Variants in SCHIP1 observed in about 807,000 individuals in gnomAD.
SCHIP1 encodes the protein schwannomin interacting protein 1, also known as schwannomin-interacting protein 1.
A neutral mutation model predicts 29.7 loss-of-function variants in SCHIP1; 8 were observed. The ratio of observed to expected loss-of-function variants is 0.27; its 90% CI spans 0.16 to 0.49. SCHIP1 has a LOEUF of 0.49. Among genes scored for constraint, SCHIP1 ranks in the 20% least tolerant of loss-of-function variants. The pLI, the probability that SCHIP1 is intolerant of heterozygous loss-of-function variation, is 0.99. For synonymous variants in SCHIP1, 76 were observed against 94.9 expected, an observed-to-expected ratio of 0.80 and a Z score of 1.16; for missense variants, 193 against 294.6, an observed-to-expected ratio of 0.66 and a Z score of 2.52.
the SCHIP1 span, among the ~76,000 whole-genome samples, chr3:159,526,387 C>T: frequency 6.6e-6 from 1 of 152,096 alleles, no homozygotes; most frequent in African/African-American, 2.4e-5. Flanking sequence ...CCAGGCTGGT[C>T]TCGAACTCTG....
chr3:159,682,047 G>T, the SCHIP1 span, among the ~76,000 whole-genome samples: 6 of 152,192 alleles, frequency 3.9e-5, no homozygotes, highest in African/African-American at 1.4e-4. Flanking sequence ...ATACTAACAG[G>T]TGCTATGTGC....
intron 2 of SCHIP1, among the ~76,000 whole-genome samples, chr3:159,878,585 C>T (rs1262785998): frequency 4.6e-5 from 7 of 151,244 alleles, no homozygotes; most frequent in African/African-American, 1.2e-4. Flanking sequence ...GAGACCATCC[C>T]GGCTAAAACG....
chr3:159,643,682 T>A, the SCHIP1 span, among the ~76,000 whole-genome samples: 2 of 152,136 alleles, frequency 1.3e-5, no homozygotes, highest in African/African-American at 4.8e-5. Context: ...TGTAACTTTT[T>A]AATCTCTTCT....
chr3:159,621,723 T>C, the SCHIP1 span, among the ~76,000 whole-genome samples: 1,510 of 152,106 alleles, frequency 9.9e-3, 11 homozygotes, highest in Non-Finnish European at 0.015. Context: ...TGGAGTACAA[T>C]GGTATGATCT....
At chr3:159,364,440 A>G in the SCHIP1 span, among the ~76,000 whole-genome samples, 3 of 152,202 alleles carry the variant, frequency 2.0e-5, no homozygotes, top group African/African-American at 7.2e-5. Flanking sequence ...ACCCACAGAG[A>G]AAGAAATCTT....
At chr3:159,891,370 C>CA (rs1420864256) in intron 5 of SCHIP1, among the ~76,000 whole-genome samples, 3 of 139,694 alleles carry the variant, frequency 2.1e-5, no homozygotes, top group Non-Finnish European at 4.6e-5. Flanking sequence ...GATTCCGTTT[C>CA]AAAAAAAGAA....
chr3:159,825,801 T>C, the SCHIP1 span, among the ~76,000 whole-genome samples: 4 of 152,212 alleles, frequency 2.6e-5, no homozygotes, highest in Admixed American at 2.0e-4. Flanking sequence ...TAAGTGAATT[T>C]AAAGCAGGAC....
chr3:159,665,615 TC>T, the SCHIP1 span, among the ~76,000 whole-genome samples: 1 of 150,740 alleles, frequency 6.6e-6, no homozygotes, highest in African/African-American at 2.4e-5. Context: ...ATCCCCTCCA[TC>T]CCCTGACCAG....
the SCHIP1 span, among the ~76,000 whole-genome samples, chr3:159,648,120 T>G: frequency 1.3e-5 from 2 of 152,088 alleles, no homozygotes; most frequent in Non-Finnish European, 2.9e-5. Context: ...AAATAGAAAG[T>G]GGAAGACTGA....
At chr3:159,764,341 C>G in the SCHIP1 span, 1 of 1,386,410 alleles carries the variant, frequency 7.2e-7, no homozygotes, top group South Asian at 1.6e-5. This position sits in a 1 kb window ranked among gnomAD's most constrained non-coding sequence, Gnocchi z 6.1. Flanking sequence ...TCTGACCCAG[C>G]GGGCGCAGGG....
the SCHIP1 span, among the ~76,000 whole-genome samples, chr3:159,683,066 A>C: frequency 1.2e-4 from 18 of 152,136 alleles, no homozygotes; most frequent in African/African-American, 4.1e-4. Context: ...AGGAATCTGC[A>C]TTTTGTTTTA....
At chr3:159,579,265 T>A in the SCHIP1 span, among the ~76,000 whole-genome samples, 1 of 152,122 alleles carries the variant, frequency 6.6e-6, no homozygotes, top group African/African-American at 2.4e-5. Flanking sequence ...ATGTAAGACA[T>A]TTTTATGGCC....
the SCHIP1 span, among the ~76,000 whole-genome samples, chr3:159,824,745 G>A: frequency 6.6e-6 from 1 of 152,228 alleles, no homozygotes; most frequent in African/African-American, 2.4e-5. Flanking sequence ...GGATTGGAGA[G>A]AGACTCACAC....
At chr3:159,664,929 G>A in the SCHIP1 span, among the ~76,000 whole-genome samples, 1 of 151,454 alleles carries the variant, frequency 6.6e-6, no homozygotes, top group East Asian at 1.9e-4. Flanking sequence ...AAAAACTCTG[G>A]AGGAAGGCCC....
At chr3:159,531,551 C>T in the SCHIP1 span, among the ~76,000 whole-genome samples, 1 of 152,190 alleles carries the variant, frequency 6.6e-6, no homozygotes, top group Non-Finnish European at 1.5e-5. Flanking sequence ...ATACAAGATA[C>T]CGTACCTACA....
At chr3:159,695,354 T>C in the SCHIP1 span, among the ~76,000 whole-genome samples, 39 of 152,218 alleles carry the variant, frequency 2.6e-4, no homozygotes, top group Non-Finnish European at 1.5e-5. Context: ...TACCCTATGA[T>C]TGACCCTTCC....
chr3:159,750,882 CTCT>C, the SCHIP1 span, among the ~76,000 whole-genome samples: 1 of 131,552 alleles, frequency 7.6e-6, no homozygotes, highest in Non-Finnish European at 1.6e-5. Context: ...TATTAAAAGA[CTCT>C]TCATTTTCCA....
At chr3:159,852,580 G>A (rs922576217) in intron 1 of SCHIP1, among the ~76,000 whole-genome samples, 4 of 152,078 alleles carry the variant, frequency 2.6e-5, no homozygotes, top group African/African-American at 4.8e-5. Flanking sequence ...AGAAAAGAAC[G>A]TTTGCTTTTG....
chr3:159,689,978 T>C, the SCHIP1 span, among the ~76,000 whole-genome samples: 21 of 152,328 alleles, frequency 1.4e-4, no homozygotes, highest in Non-Finnish European at 2.1e-4. Flanking sequence ...AGCTTTTTGA[T>C]GTGCTGCTGG....
Sources: allele counts gnomAD v4.1 joint callset (sites outside exome capture counted in the v4.1 genomes callset), GRCh38; gene constraint gnomAD v4.1.1; non-coding constraint Gnocchi (gnomAD v3.1); transcripts MANE v1.5; gene names NCBI Gene and HGNC (gene_info 2026-07-23, HGNC 2026-07-21).